KCTD1: variants seen among roughly 807,000 people sequenced by gnomAD.
The protein encoded by KCTD1 is BTB/POZ domain-containing protein KCTD1.
Under a neutral mutation model 66.0 loss-of-function variants are expected in KCTD1, and 24 were observed. That is an observed-to-expected ratio of 0.36 (90% CI 0.26 to 0.51). KCTD1 has a LOEUF of 0.51. Ranked by LOEUF, KCTD1 falls within the 20% of genes least tolerant of loss-of-function variation. The pLI is 0.95. For synonymous variants in KCTD1, 511 were observed against 517.2 expected (o/e 0.99, Z 0.16); for missense variants, 943 against 1,205.2 (o/e 0.78, Z 3.22).
intron 1 of KCTD1, among the ~76,000 whole-genome samples, chr18:26,655,051 G>A (rs985069966): frequency 6.6e-6 from 1 of 152,260 alleles, no homozygotes; most frequent in Admixed American, 6.5e-5. Context: ...AGTTGCCACA[G>A]ATTCCCATAT....
At chr18:26,478,168 T>G (rs1280871256) in intron 2 of KCTD1, among the ~76,000 whole-genome samples, 12 of 152,226 alleles carry the variant, frequency 7.9e-5, no homozygotes, top group Admixed American at 7.9e-4. Context: ...CATGATAAAT[T>G]TCCAGTTGAC....
upstream of KCTD1, chr18:26,548,871 G>T: frequency 9.9e-7 from 1 of 1,005,562 alleles, no homozygotes; most frequent in Non-Finnish European, 1.2e-6. Context: ...GTCGGTGGGG[G>T]CGAAACACTC....
chr18:26,592,204 C>G (rs1015139941), intron 1 of KCTD1, among the ~76,000 whole-genome samples: 6 of 152,148 alleles, frequency 3.9e-5, no homozygotes, highest in Admixed American at 3.9e-4. Context: ...TAAAACCATA[C>G]TTGAAAAAAA....
At chr18:26,472,263 T>C (rs1295869866) in intron 3 of KCTD1, among the ~76,000 whole-genome samples, 1 of 152,172 alleles carries the variant, frequency 6.6e-6, no homozygotes, top group Non-Finnish European at 1.5e-5. Flanking sequence ...GATTTTCATA[T>C]TGTACTAACC....
chr18:26,492,477 T>A (rs1303871338), intron 2 of KCTD1, among the ~76,000 whole-genome samples: 5 of 151,858 alleles, frequency 3.3e-5, no homozygotes, highest in Non-Finnish European at 1.5e-5. Context: ...CTATAAAAAA[T>A]TAAAAATTAA....
At chr18:26,479,120 A>G (rs952381129) in intron 2 of KCTD1, among the ~76,000 whole-genome samples, 1 of 152,254 alleles carries the variant, frequency 6.6e-6, no homozygotes. Context: ...AATAGAAAAA[A>G]GCTGCAAAGA....
At chr18:26,505,064 A>C (rs1982961477) in intron 1 of KCTD1, among the ~76,000 whole-genome samples, 1 of 152,236 alleles carries the variant, frequency 6.6e-6, no homozygotes, top group Non-Finnish European at 1.5e-5. Context: ...GGGAAAATAA[A>C]TTTCTGTATT....
intron 1 of KCTD1, among the ~76,000 whole-genome samples, chr18:26,555,617 C>A (rs562275191): frequency 1.3e-5 from 2 of 152,294 alleles, no homozygotes; most frequent in African/African-American, 4.8e-5. Context: ...GCCACTTGGA[C>A]AAATGAATTT....
At chr18:26,652,656 G>C (rs931468743) in intron 1 of KCTD1, among the ~76,000 whole-genome samples, 1 of 152,152 alleles carries the variant, frequency 6.6e-6, no homozygotes, top group Admixed American at 6.5e-5. Context: ...AAAGCATTTT[G>C]GATAACAGGA....
At chr18:26,616,882 A>G (rs772942266) in intron 1 of KCTD1, among the ~76,000 whole-genome samples, 1 of 152,246 alleles carries the variant, frequency 6.6e-6, no homozygotes, top group Non-Finnish European at 1.5e-5. Flanking sequence ...TGATGGACAG[A>G]GACCTTGCCT....
chr18:26,634,537 G>A (rs752834662), intron 1 of KCTD1, among the ~76,000 whole-genome samples: 7 of 151,968 alleles, frequency 4.6e-5, no homozygotes, highest in Non-Finnish European at 5.9e-5. Flanking sequence ...GTAAGAAAGG[G>A]GCATTGAGCT....
At chr18:26,517,695 CTG>C (rs1455519705) in intron 1 of KCTD1, among the ~76,000 whole-genome samples, 2 of 151,730 alleles carry the variant, frequency 1.3e-5, no homozygotes, top group South Asian at 2.1e-4. Context: ...GGTAGTTTCC[CTG>C]CACAAGCTAT....
intron 1 of KCTD1, among the ~76,000 whole-genome samples, chr18:26,509,396 TTTTTAA>T (rs1983221633): frequency 6.6e-6 from 1 of 152,072 alleles, no homozygotes; most frequent in Admixed American, 6.5e-5. Context: ...AATAAAATTT[TTTTTAA>T]TTTTATTTTT....
chr18:26,477,128 A>G (rs1417781435), intron 2 of KCTD1, among the ~76,000 whole-genome samples: 1 of 152,266 alleles, frequency 6.6e-6, no homozygotes, highest in East Asian at 1.9e-4. Context: ...CAAAGCCTAT[A>G]TGTTGACATC....
Position 26,476,797 on chromosome 18 carries a change from T to A in KCTD1, c.1989-138A>T. 1.4e-6 allele frequency: 1 copy of A among 693,912 alleles called. No homozygotes were observed. 43.0% of individuals were successfully genotyped at this position (693,912 alleles called of 1,614,324 possible). A position where few individuals can be genotyped will look rare whatever the true frequency, so the allele number is the denominator to read the frequency against. ...GGAAAAATTACGATTGTCTGCAAAG[T>A]GTTGGTCCCCGCTTGATAAATATCT... On this transcript the variant is annotated intron_variant, in intron 2 of 4. Transcript: ENST00000580059. This position sits in a 1 kb window ranked among gnomAD's most constrained non-coding sequence, Gnocchi z 4.9.
intron 2 of KCTD1, among the ~76,000 whole-genome samples, chr18:26,488,537 G>A (rs1367984582): frequency 6.6e-6 from 1 of 152,002 alleles, no homozygotes; most frequent in Non-Finnish European, 1.5e-5. Flanking sequence ...CAAGTTTAAC[G>A]AGGCTGGGTG....
At chr18:26,633,393 C>G (rs1358202460), upstream of KCTD1, among the ~76,000 whole-genome samples, 1 of 152,016 alleles carries the variant, frequency 6.6e-6, no homozygotes, top group Non-Finnish European at 1.5e-5. Context: ...CATGTATAAT[C>G]CAAGGACAAG....
intron 2 of KCTD1, among the ~76,000 whole-genome samples, chr18:26,490,822 G>A (rs1291588712): frequency 1.3e-5 from 2 of 150,680 alleles, no homozygotes; most frequent in Non-Finnish European, 3.0e-5. Context: ...GTGTGATCTC[G>A]GCTCACTGCA....
At chr18:26,555,180 A>G (rs1985677248) in intron 1 of KCTD1, among the ~76,000 whole-genome samples, 1 of 152,236 alleles carries the variant, frequency 6.6e-6, no homozygotes. Context: ...AATATTCCTG[A>G]AACGATTTGC....
Sources: allele counts gnomAD v4.1 joint callset (sites outside exome capture counted in the v4.1 genomes callset), GRCh38; gene constraint gnomAD v4.1.1; non-coding constraint Gnocchi (gnomAD v3.1); transcripts MANE v1.5; gene names NCBI Gene and HGNC (gene_info 2026-07-23, HGNC 2026-07-21).